The following TRPV4 variants were observed in gnomAD, a reference collection of about 807,000 sequenced individuals.
TRPV4 encodes the protein transient receptor potential cation channel subfamily V member 4, also known as OSM9-like transient receptor potential channel 4.
TRPV4 carries 58 observed loss-of-function variants against 84.1 expected under a neutral mutation model. The ratio of observed to expected loss-of-function variants is 0.69; its 90% CI spans 0.56 to 0.86. The LOEUF (loss-of-function observed/expected upper bound fraction) is 0.86. TRPV4 is among the 40% of genes least tolerant of loss of function. TRPV4 has a pLI of 0.00. For synonymous variants in TRPV4, 489 were observed against 500.9 expected (o/e 0.98, Z 0.32); for missense variants, 879 against 1,181.1 (o/e 0.74, Z 3.75).
In TRPV4 at chr12:109,795,160, G is replaced by A. The variant is rs79030163; in HGVS notation, c.1333-673C>T. 1.8e-3 allele frequency among the ~76,000 whole-genome samples: 273 copies of A among 152,326 alleles called. 2 individuals carry two copies. Among genetic ancestry groups the A allele is most frequent in the Middle Eastern group, 0.01 (3 of 294 alleles). On this transcript the variant is annotated intron_variant, in intron 7 of 15. Transcript: ENST00000261740. ...CCGCTCTCAGAAATTCTGATTCAGA[G>A]AGAAAGATTGAGAAATTTTGCCCAA... is the stretch of plus-strand genomic sequence containing the variant.
In TRPV4 at chr12:109,783,482, TG is replaced by T. The variant is rs1181057041; in HGVS notation, c.*138del. The T allele has an allele frequency of 9.9e-6, 12 of 1,210,732 alleles. No individual in the cohort carries two copies. In the African/African-American group the frequency reaches 1.1e-4, roughly 11 times the overall value. 75.0% of individuals were successfully genotyped at this position (1,210,732 alleles called of 1,614,324 possible). A position where few individuals can be genotyped will look rare whatever the true frequency, so the allele number is the denominator to read the frequency against. ...GCAGAGCCAGGGGACCACAGGGTCC[TG>T]GGGCCTCCCTGGCACCTCCACTGGT... On this transcript the variant is annotated 3_prime_UTR_variant, in exon 16 of 16. Coordinates refer to ENST00000261740, the MANE Select transcript of TRPV4 (RefSeq NM_021625.5). This position sits in a 1 kb window ranked among gnomAD's most constrained non-coding sequence, Gnocchi z 4.6.
In TRPV4 at chr12:109,796,960, C is replaced by T. The variant is rs1890443582; in HGVS notation, c.1153-256G>A. Among the ~76,000 whole-genome samples, 1 of 152,222 alleles carries T rather than the reference C, an allele frequency of 6.6e-6. No individual in the cohort carries two copies. Among genetic ancestry groups the T allele is most frequent in the Admixed American group, 6.5e-5 (1 of 15,282 alleles). The stretch of plus-strand genomic sequence containing the variant: ...AGACAGAACCTGGATGAGCCTTCAA[C>T]ATCTTAATTGTAATGAATATCTTCT... On this transcript the variant is annotated intron_variant, in intron 6 of 15. Transcript: ENST00000261740. The surrounding 1 kb of genome is among the most constrained non-coding windows in gnomAD (Gnocchi z 4.2).
intron 12 of TRPV4, among the ~76,000 whole-genome samples, chr12:109,789,390 G>A (rs1335199954): frequency 2.0e-5 from 3 of 152,130 alleles, no homozygotes; most frequent in Admixed American, 2.0e-4. Flanking sequence ...AGGTCTTGGG[G>A]GCTCTGGAAT....
Position 109,814,834 on chromosome 12 carries a change from G to A in TRPV4, c.-31-7C>T. 6.5e-7 allele frequency: 1 copy of A among 1,534,498 alleles called. No individual in the cohort carries two copies. The highest frequency in any genetic ancestry group is 2.4e-5 in the East Asian group (1 of 40,900). ...CCCGTCTGCACTGCTCAGCCTGCAAGGGAATGAAAGGGGAGTCAGGCAGAA... is the reference window on the plus strand; with the variant it reads ...CCCGTCTGCACTGCTCAGCCTGCAAAGGAATGAAAGGGGAGTCAGGCAGAA... On this transcript the variant is annotated splice_region_variant and splice_polypyrimidine_tract_variant and intron_variant, in intron 1 of 15. Transcript: ENST00000261740. This position sits in a 1 kb window ranked among gnomAD's most constrained non-coding sequence, Gnocchi z 5.4.
intron 5 of TRPV4, among the ~76,000 whole-genome samples, chr12:109,800,169 T>C (rs1890683435): frequency 6.6e-6 from 1 of 152,116 alleles, no homozygotes; most frequent in Admixed American, 6.5e-5. Flanking sequence ...GGTCTTGAAC[T>C]CTTGACCTCA....
chr12:109,830,683 G>A (rs1041610781), intron 1 of TRPV4, among the ~76,000 whole-genome samples: 1 of 152,188 alleles, frequency 6.6e-6, no homozygotes, highest in Non-Finnish European at 1.5e-5. Flanking sequence ...GGACTGGAGT[G>A]TCTTTCCCAA....
In TRPV4 at chr12:109,798,917, G is replaced by T; in HGVS notation, c.854-5C>A. 6.2e-7 allele frequency: 1 copy of T among 1,607,898 alleles called. No homozygotes were observed. The highest frequency in any genetic ancestry group is 8.5e-7 in the Non-Finnish European group (1 of 1,176,772). ...CCAGCGACAGGGGCAGCTCCCCTGC[G>T]GGCCAGGGTGAAGGGTGGGAGGTCA... is the stretch of plus-strand genomic sequence containing the variant. On this transcript the variant is annotated splice_region_variant and splice_polypyrimidine_tract_variant and intron_variant, in intron 5 of 15. Coordinates refer to ENST00000261740, the MANE Select transcript of TRPV4 (RefSeq NM_021625.5). The surrounding 1 kb of genome is among the most constrained non-coding windows in gnomAD (Gnocchi z 5.0).
intron 12 of TRPV4, among the ~76,000 whole-genome samples, chr12:109,789,226 A>G (rs757669715): frequency 1.3e-5 from 2 of 152,054 alleles, no homozygotes; most frequent in Non-Finnish European, 2.9e-5. Flanking sequence ...GGTTGTTACA[A>G]CTGGGGGTGG....
At chr12:109,794,269 A>C in intron 8 of TRPV4, 60 bp downstream of exon 8, 2 of 1,595,466 alleles carry the variant, frequency 1.3e-6, no homozygotes, top group Non-Finnish European at 1.7e-6. Flanking sequence ...GTTGTGCCCC[A>C]GTCCTGCATG....
In TRPV4 at chr12:109,783,920, T is replaced by G. The variant is rs1398590627; in HGVS notation, c.2459-142A>C. 1.2e-5 allele frequency: 13 copies of G among 1,082,542 alleles called. No homozygotes were observed. The highest frequency in any genetic ancestry group is 1.6e-5 in the Non-Finnish European group (12 of 756,202). 67.1% of individuals were successfully genotyped at this position (1,082,542 alleles called of 1,614,324 possible). A position where few individuals can be genotyped will look rare whatever the true frequency, so the allele number is the denominator to read the frequency against. ...ATGCTCATTTTACAGAGGTGGAAACTGGGGCTCAAGAGAGGTCAAGGTGCC... is the reference window on the plus strand; with the variant it reads ...ATGCTCATTTTACAGAGGTGGAAACGGGGGCTCAAGAGAGGTCAAGGTGCC... On this transcript the variant is annotated intron_variant, in intron 15 of 15. Transcript: ENST00000261740. This position sits in a 1 kb window ranked among gnomAD's most constrained non-coding sequence, Gnocchi z 4.6.
At chr12:109,822,279 A>G (rs1352236157) in intron 1 of TRPV4, among the ~76,000 whole-genome samples, 1 of 152,126 alleles carries the variant, frequency 6.6e-6, no homozygotes, top group Non-Finnish European at 1.5e-5. Context: ...GCTCCCAGAC[A>G]GACCCAGTGT....
chr12:109,783,793 C>T lies in TRPV4; in HGVS notation c.2459-15G>A. ...GGACCAGCGATCTGCACCGAGAGCA[C>T]ATCAGAGGGAGGGGTGGGGGTTGGT... On this transcript the variant is annotated splice_polypyrimidine_tract_variant and intron_variant, in intron 15 of 15. Coordinates refer to ENST00000261740, the MANE Select transcript of TRPV4 (RefSeq NM_021625.5). This position sits in a 1 kb window ranked among gnomAD's most constrained non-coding sequence, Gnocchi z 4.6. The T allele has an allele frequency of 6.2e-7, 1 of 1,609,984 alleles. No homozygotes were observed. Among genetic ancestry groups the T allele is most frequent in the East Asian group, 2.2e-5 (1 of 44,828 alleles).
At chr12:109,791,663 T>G (rs1314168935) in intron 12 of TRPV4, among the ~76,000 whole-genome samples, 1 of 151,112 alleles carries the variant, frequency 6.6e-6, no homozygotes, top group Non-Finnish European at 1.5e-5. Flanking sequence ...TTGTATTTTT[T>G]GGTAGAGACG....
At position 109,828,211 on chromosome 12, in the gene TRPV4, T is replaced by C. The variant is rs377704105; in HGVS notation, c.-32+5139A>G. On this transcript the variant is annotated intron_variant, in intron 1 of 15. Transcript: ENST00000261740. ...TGGCCTTTCCAATGCCCTGACCTCA[T>C]CTGGAGACCGGCAAGGGCTTCCTGT... Among the ~76,000 whole-genome samples the C allele has an allele frequency of 7.9e-5, 12 of 152,260 alleles. 1 individual carries two copies. Among genetic ancestry groups the C allele is most frequent in the African/African-American group, 2.9e-4 (12 of 41,544 alleles).
chr12:109,802,322 G>A (rs73409817), intron 4 of TRPV4, among the ~76,000 whole-genome samples: 17,237 of 146,562 alleles, frequency 0.12, 1,346 homozygotes, highest in African/African-American at 0.22. Flanking sequence ...TTTTTTTTGA[G>A]ATGAGTCTTG....
In TRPV4 at chr12:109,783,440, CA is replaced by C. The variant is rs1443825344; in HGVS notation, c.*180del. The C allele has an allele frequency of 6.4e-6, 5 of 779,002 alleles. No homozygotes were observed. The highest frequency in any genetic ancestry group is 9.8e-6 in the Non-Finnish European group (5 of 507,862). The allele number at this position is 779,002 out of a possible 1,614,324, so 48.3% of individuals were successfully genotyped here. ...AGCAAGACAGGTGGCCGGGAGCCCC[CA>C]CCCCAGGGTGGGGAGGCAGAGCCAG... is the stretch of plus-strand genomic sequence containing the variant. On this transcript the variant is annotated 3_prime_UTR_variant, in exon 16 of 16. Coordinates refer to ENST00000261740, the MANE Select transcript of TRPV4 (RefSeq NM_021625.5). The surrounding 1 kb of genome is among the most constrained non-coding windows in gnomAD (Gnocchi z 4.6).
chr12:109,833,023 T>C (rs1322503388), intron 1 of TRPV4, among the ~76,000 whole-genome samples: 1 of 152,040 alleles, frequency 6.6e-6, no homozygotes, highest in Non-Finnish European at 1.5e-5. Flanking sequence ...TCTCCTAAGG[T>C]GGGCTGCAAG....
rs755736749 is a variant in TRPV4, at chr12:109,788,478, G to T, written c.2130C>A (p.Leu710=). The change falls in exon 13 of 16, where the codon CTC becomes CTA. Residue 710 remains leucine (L), a synonymous_variant. Transcript: ENST00000261740. ...VTYIILTFVL[L]LNMLIALMGE... Reference sequence around the variant, plus strand: ...CCATGAGGGCAATGAGCATGTTGAGGAGCAGCACAAAGGTGAGGATGATGT... The same window carrying T: ...CCATGAGGGCAATGAGCATGTTGAGTAGCAGCACAAAGGTGAGGATGATGT... 1 of 1,614,232 alleles carries T rather than the reference G, an allele frequency of 6.2e-7. No individual in the cohort carries two copies. The highest frequency in any genetic ancestry group is 8.5e-7 in the Non-Finnish European group (1 of 1,180,048).
Position 109,798,815 on chromosome 12 carries a change from C to T in TRPV4, c.951G>A (p.Gln317=). Residue 317 remains glutamine, a synonymous_variant, in exon 6 of 16, where the codon CAG becomes CAA. Coordinates refer to ENST00000261740, the MANE Select transcript of TRPV4 (RefSeq NM_021625.5). The surrounding 1 kb of genome is among the most constrained non-coding windows in gnomAD (Gnocchi z 5.0). ...NPHKKADMRR[Q]DSRGNTVLHA... is the part of the protein sequence containing the mutation. ...GCAGCACTGTGTTGCCTCGCGAGTC[C>T]TGGCGCCGCATGTCCGCCTTCTTGT... 1 of 1,614,160 alleles carries T rather than the reference C, an allele frequency of 6.2e-7. No homozygotes were observed. Among genetic ancestry groups the T allele is most frequent in the Non-Finnish European group, 8.5e-7 (1 of 1,180,040 alleles).
Sources: gnomAD v4.1 joint callset for allele counts (sites outside exome capture counted in the v4.1 genomes callset) on GRCh38, gnomAD v4.1.1 for gene constraint, Gnocchi (gnomAD v3.1) non-coding constraint, MANE v1.5 for transcripts, NCBI Gene and HGNC (gene_info 2026-07-23, HGNC 2026-07-21) for gene names.